Variants in GALNTL6 observed in about 807,000 individuals in gnomAD.
GALNTL6 encodes the protein polypeptide N-acetylgalactosaminyltransferase-like 6.
Under a neutral mutation model 73.7 loss-of-function variants are expected in GALNTL6, and 46 were observed. The ratio of observed to expected loss-of-function variants is 0.62; its 90% CI spans 0.49 to 0.80. GALNTL6 has a LOEUF of 0.80. GALNTL6 is among the 30% of genes least tolerant of loss of function. The pLI is 0.00. For synonymous variants in GALNTL6, 259 were observed against 263.7 expected, an observed-to-expected ratio of 0.98 and a Z score of 0.17; for missense variants, 604 against 755.0, an observed-to-expected ratio of 0.80 and a Z score of 2.34.
chr4:171,897,623 C>T (rs935490020), intron 2 of GALNTL6, among the ~76,000 whole-genome samples: 1 of 152,014 alleles, frequency 6.6e-6, no homozygotes, highest in Non-Finnish European at 1.5e-5. Context: ...GAGTACAAGA[C>T]CAGCCTGGTC....
intron 5 of GALNTL6, among the ~76,000 whole-genome samples, chr4:172,413,180 G>A (rs778209003): frequency 5.3e-5 from 8 of 152,106 alleles, no homozygotes; most frequent in Non-Finnish European, 8.8e-5. Flanking sequence ...TCATCACATG[G>A]GACTGGGTTT....
At chr4:172,252,852 A>G (rs1303939970) in intron 3 of GALNTL6, among the ~76,000 whole-genome samples, 4 of 151,978 alleles carry the variant, frequency 2.6e-5, no homozygotes, top group Non-Finnish European at 1.5e-5. Context: ...GCATATGGTT[A>G]TGAGTGCCAG....
At chr4:172,402,484 A>G (rs777278414) in intron 5 of GALNTL6, among the ~76,000 whole-genome samples, 10 of 152,134 alleles carry the variant, frequency 6.6e-5, no homozygotes, top group Non-Finnish European at 1.5e-4. Context: ...GTTAACTGCC[A>G]TTACTGGAAC....
At chr4:173,022,078 G>GGAAA (rs1561091704) in intron 12 of GALNTL6, among the ~76,000 whole-genome samples, 9 of 80,230 alleles carry the variant, frequency 1.1e-4, no homozygotes, top group Non-Finnish European at 1.6e-4. Flanking sequence ...AAGGAAGGAA[G>GGAAA]GAAGGAAGGA....
intron 2 of GALNTL6, among the ~76,000 whole-genome samples, chr4:171,960,529 C>T (rs1391253862): frequency 6.6e-6 from 1 of 152,012 alleles, no homozygotes. Flanking sequence ...ATCCACCCAC[C>T]TCAGCCTCCC....
At chr4:171,922,699 G>T (rs776465758) in intron 2 of GALNTL6, among the ~76,000 whole-genome samples, 2 of 151,814 alleles carry the variant, frequency 1.3e-5, no homozygotes, top group Non-Finnish European at 2.9e-5. Flanking sequence ...TTCTTAGACT[G>T]GGACCATGGA....
intron 2 of GALNTL6, among the ~76,000 whole-genome samples, chr4:171,993,093 C>G (rs372044480): frequency 6.6e-4 from 101 of 152,078 alleles, no homozygotes; most frequent in African/African-American, 2.3e-3. Flanking sequence ...CCCTCCCCAA[C>G]AACACGGCAT....
At chr4:172,623,306 T>C (rs908049709) in intron 5 of GALNTL6, among the ~76,000 whole-genome samples, 1 of 152,104 alleles carries the variant, frequency 6.6e-6, no homozygotes, top group African/African-American at 2.4e-5. Context: ...TCTTAACAAA[T>C]CTTATAGAAC....
chr4:172,037,998 A>G (rs1033324031), intron 2 of GALNTL6, among the ~76,000 whole-genome samples: 19 of 152,096 alleles, frequency 1.2e-4, no homozygotes, highest in Admixed American at 1.0e-3. Context: ...ACACGCCTGT[A>G]ATCCCAGCTA....
chr4:172,077,976 G>T (rs1397296881), intron 2 of GALNTL6, among the ~76,000 whole-genome samples: 2 of 152,162 alleles, frequency 1.3e-5, no homozygotes, highest in African/African-American at 4.8e-5. Flanking sequence ...AGGGACCAAG[G>T]TACAGCTTGG....
intron 2 of GALNTL6, among the ~76,000 whole-genome samples, chr4:171,829,581 C>G (rs1451566176): frequency 6.6e-6 from 1 of 152,120 alleles, no homozygotes; most frequent in East Asian, 1.9e-4. Flanking sequence ...GACATTTTCT[C>G]TGCAGTTTTG....
Position 171,841,975 on chromosome 4 carries a change from T to C in GALNTL6, c.138+27257T>C, listed in dbSNP as rs1735249854. Among the ~76,000 whole-genome samples the C allele has an allele frequency of 2.0e-5, 3 of 152,122 alleles. No individual in the cohort carries two copies. In the South Asian group the frequency reaches 6.2e-4, roughly 31 times the overall value. On this transcript the variant is annotated intron_variant, in intron 2 of 12. Transcript: ENST00000506823. Reference sequence around the variant, plus strand: ...GAAAATAATTTCATGAAAGTATGTATATTTCATGAATTATGTTTCTTTTTT... The same window carrying C: ...GAAAATAATTTCATGAAAGTATGTACATTTCATGAATTATGTTTCTTTTTT...
intron 3 of GALNTL6, among the ~76,000 whole-genome samples, chr4:172,291,041 A>C (rs1739454235): frequency 1.3e-5 from 2 of 151,984 alleles, no homozygotes; most frequent in South Asian, 4.1e-4. Flanking sequence ...CAATACCCCC[A>C]CAAAAAAAGG....
intron 2 of GALNTL6, among the ~76,000 whole-genome samples, chr4:172,078,672 A>G (rs1505487): frequency 0.51 from 77,321 of 151,930 alleles, 20,090 homozygotes; most frequent in African/African-American, 0.56. Context: ...TAGAACTAGT[A>G]TTTTAATATG....
chr4:172,122,090 G>T (rs541870318), intron 2 of GALNTL6, among the ~76,000 whole-genome samples: 3 of 150,936 alleles, frequency 2.0e-5, no homozygotes, highest in African/African-American at 4.9e-5. Flanking sequence ...TTAACCAATA[G>T]ATTACATAGA....
chr4:172,931,315 G>A (rs973617634), intron 9 of GALNTL6, 47 bp downstream of exon 9: 1 of 1,028,058 alleles, frequency 9.7e-7, no homozygotes, highest in Admixed American at 1.7e-5. Context: ...ATGGCTTTCT[G>A]TAACCAGAGT....
At chr4:173,001,211 C>G (rs1360976970) in intron 10 of GALNTL6, among the ~76,000 whole-genome samples, 1 of 152,162 alleles carries the variant, frequency 6.6e-6, no homozygotes, top group Admixed American at 6.5e-5. Flanking sequence ...CTGCAAACAC[C>G]TTGATCTTGG....
chr4:171,989,053 A>G (rs1444324796), intron 2 of GALNTL6, among the ~76,000 whole-genome samples: 2 of 152,172 alleles, frequency 1.3e-5, no homozygotes, highest in East Asian at 3.9e-4. Context: ...TGCTTAAAAG[A>G]GTATTGTCTA....
chr4:172,672,698 A>C (rs866510456), intron 5 of GALNTL6, among the ~76,000 whole-genome samples: 1 of 152,156 alleles, frequency 6.6e-6, no homozygotes. Context: ...ACTCAATTTT[A>C]GAACTTATTA....
Sources: gnomAD v4.1 joint callset for allele counts (sites outside exome capture counted in the v4.1 genomes callset) on GRCh38, gnomAD v4.1.1 for gene constraint, MANE v1.5 for transcripts, NCBI Gene and HGNC (gene_info 2026-07-23, HGNC 2026-07-21) for gene names.